CPLX2: variants seen among roughly 807,000 people sequenced by gnomAD.
CPLX2 encodes complexin-2.
In CPLX2, 5 loss-of-function variants were observed where a neutral mutation model predicts 16.3. The observed-to-expected ratio is 0.31, with a 90% confidence interval of 0.16 to 0.64. The LOEUF (loss-of-function observed/expected upper bound fraction) is 0.64, where lower values mean the gene tolerates loss of function less well. CPLX2 is among the 30% of genes least tolerant of loss of function. The probability of loss-of-function intolerance (pLI) is 0.79; values close to 1 mark genes in which losing one functional copy is unlikely to be tolerated. For synonymous variants in CPLX2, 89 were observed against 73.2 expected (o/e 1.22, Z -1.10); for missense variants, 144 against 181.4 (o/e 0.79, Z 1.18).
At chr5:175,807,408 C>T (rs1758228235) in intron 1 of CPLX2, among the ~76,000 whole-genome samples, 1 of 152,188 alleles carries the variant, frequency 6.6e-6, no homozygotes. Flanking sequence ...AGGCCAGCCT[C>T]CTGTCCCTGC....
chr5:175,818,640 C>T (rs1251082388), intron 2 of CPLX2, among the ~76,000 whole-genome samples: 1 of 136,802 alleles, frequency 7.3e-6, no homozygotes, highest in South Asian at 2.5e-4. Flanking sequence ...AAAGGAGCTG[C>T]TGTCCCAACC....
intron 2 of CPLX2, among the ~76,000 whole-genome samples, chr5:175,866,428 T>G (rs1483174319): frequency 6.6e-6 from 1 of 152,098 alleles, no homozygotes; most frequent in Non-Finnish European, 1.5e-5. Flanking sequence ...TTTGATAGGA[T>G]GGGGGCAAGG....
chr5:175,847,539 C>T (rs1481542916), intron 2 of CPLX2, among the ~76,000 whole-genome samples: 1 of 152,234 alleles, frequency 6.6e-6, no homozygotes, highest in Non-Finnish European at 1.5e-5. Context: ...TCAAGTCCAG[C>T]GCTCTTCCAT....
chr5:175,817,005 G>A (rs905366948), intron 2 of CPLX2, among the ~76,000 whole-genome samples: 1 of 152,242 alleles, frequency 6.6e-6, no homozygotes, highest in African/African-American at 2.4e-5. Context: ...ACCCAAGAGC[G>A]ACTGCAGCTG....
intron 1 of CPLX2, among the ~76,000 whole-genome samples, chr5:175,797,942 G>A (rs1162316708): frequency 6.6e-6 from 1 of 152,180 alleles, no homozygotes; most frequent in Non-Finnish European, 1.5e-5. Context: ...GAGGCTGGGA[G>A]GGCCCTCGGA....
chr5:175,830,216 T>A lies in CPLX2; in HGVS notation c.-89+21148T>A, dbSNP rs1427706713. On this transcript the variant is annotated intron_variant, in intron 2 of 4. Transcript: ENST00000359546. The surrounding 1 kb of genome is among the most constrained non-coding windows in gnomAD (Gnocchi z 4.0). ...CACTGCCGCCACAGAGCTGCCCTGG[T>A]TCCCTGCCCCCGGGGGAGCACAGCC... 6.6e-6 allele frequency among the ~76,000 whole-genome samples: 1 copy of A among 152,196 alleles called. No homozygotes were observed. The highest frequency in any genetic ancestry group is 6.5e-5 in the Admixed American group (1 of 15,286).
intron 2 of CPLX2, among the ~76,000 whole-genome samples, chr5:175,823,917 A>G (rs1758558894): frequency 6.6e-6 from 1 of 152,180 alleles, no homozygotes; most frequent in Admixed American, 6.5e-5. Context: ...CACCCACAGG[A>G]GGAGGAGGAG....
upstream of CPLX2, chr5:175,871,464 A>AGAGACAGAGAGAGAGAGAGAGG: frequency 1.1e-5 from 1 of 93,322 alleles, no homozygotes; most frequent in East Asian, 3.9e-4. Flanking sequence ...AGAGAGAGAG[A>AGAGACAGAGAGAGAGAGAGAGG]GAGAGAGAGA....
rs991069293 is a variant in CPLX2, at chr5:175,830,066, G to A, written c.-89+20998G>A. Among the ~76,000 whole-genome samples the A allele has an allele frequency of 6.6e-6, 1 of 152,174 alleles. No individual in the cohort carries two copies. The highest frequency in any genetic ancestry group is 1.9e-4 in the East Asian group (1 of 5,188). On this transcript the variant is annotated intron_variant, in intron 2 of 4. Coordinates refer to the CPLX2 transcript ENST00000359546. This position sits in a 1 kb window ranked among gnomAD's most constrained non-coding sequence, Gnocchi z 4.0. The stretch of plus-strand genomic sequence containing the variant: ...CTCTCTCATCCACCAGCGTGGCTGC[G>A]GCCCTCCGTGCTCTCTGGGGTTCTG...
intron 2 of CPLX2, among the ~76,000 whole-genome samples, chr5:175,856,540 G>A (rs1203560407): frequency 1.3e-5 from 2 of 152,214 alleles, no homozygotes; most frequent in African/African-American, 4.8e-5. Context: ...AGCCCAAGTG[G>A]AAAGACAGAG....
chr5:175,855,763 T>C (rs1759242747), intron 2 of CPLX2, among the ~76,000 whole-genome samples: 1 of 152,138 alleles, frequency 6.6e-6, no homozygotes, highest in Non-Finnish European at 1.5e-5. Flanking sequence ...CACATGTTCA[T>C]CCCTAAATCC....
intron 2 of CPLX2, among the ~76,000 whole-genome samples, chr5:175,834,738 ATGGCGGG>A (rs1353496680): frequency 2.6e-5 from 4 of 152,134 alleles, no homozygotes; most frequent in Non-Finnish European, 4.4e-5. Flanking sequence ...GCCAGGCATC[ATGGCGGG>A]AGTCTGTAGT....
intron 2 of CPLX2, among the ~76,000 whole-genome samples, chr5:175,821,846 T>C (rs1758515999): frequency 6.6e-6 from 1 of 152,198 alleles, no homozygotes; most frequent in African/African-American, 2.4e-5. Flanking sequence ...TGGACTTCCC[T>C]GCAAGAGAGA....
chr5:175,844,394 T>A (rs1759003787), intron 2 of CPLX2, among the ~76,000 whole-genome samples: 1 of 152,240 alleles, frequency 6.6e-6, no homozygotes, highest in Non-Finnish European at 1.5e-5. Flanking sequence ...TGCTACTGTG[T>A]ACCAGGCACT....
chr5:175,822,846 A>T (rs1489246801), intron 2 of CPLX2, among the ~76,000 whole-genome samples: 1 of 152,212 alleles, frequency 6.6e-6, no homozygotes, highest in African/African-American at 2.4e-5. Flanking sequence ...CGGACCCGTT[A>T]ATGATGGGAT....
intron 2 of CPLX2, among the ~76,000 whole-genome samples, chr5:175,858,711 C>T (rs1759306639): frequency 6.6e-6 from 1 of 152,234 alleles, no homozygotes. Flanking sequence ...AAGTTATAGG[C>T]ACCGGCTGCA....
intron 1 of CPLX2, among the ~76,000 whole-genome samples, chr5:175,800,258 C>A (rs1758068296): frequency 6.6e-6 from 1 of 152,174 alleles, no homozygotes; most frequent in African/African-American, 2.4e-5. Flanking sequence ...AGGGAAGCCC[C>A]TGCCTATCAA....
intron 1 of CPLX2, chr5:175,873,053 C>T (rs964368664): frequency 6.7e-6 from 1 of 150,178 alleles, no homozygotes; most frequent in African/African-American, 2.5e-5. Context: ...CGGCATCCCT[C>T]GCCGCCCCCG....
chr5:175,860,070 G>A (rs1561786115), intron 2 of CPLX2, among the ~76,000 whole-genome samples: 1 of 152,210 alleles, frequency 6.6e-6, no homozygotes, highest in South Asian at 2.1e-4. Flanking sequence ...TTTGTCTCCT[G>A]CCCTTCGCTC....
Sources: allele counts gnomAD v4.1 joint callset (sites outside exome capture counted in the v4.1 genomes callset), GRCh38; gene constraint gnomAD v4.1.1; non-coding constraint Gnocchi (gnomAD v3.1); transcripts MANE v1.5; gene names NCBI Gene and HGNC (gene_info 2026-07-23, HGNC 2026-07-21).